PTPRM: variants seen among roughly 807,000 people sequenced by gnomAD.
The protein encoded by PTPRM is receptor-type tyrosine-protein phosphatase mu.
PTPRM carries 47 observed loss-of-function variants against 186.7 expected under a neutral mutation model. That is an observed-to-expected ratio of 0.25 (90% CI 0.20 to 0.32). The LOEUF (loss-of-function observed/expected upper bound fraction) is 0.32, where lower values mean the gene tolerates loss of function less well. Among genes scored for constraint, PTPRM ranks in the 10% least tolerant of loss-of-function variants. PTPRM has a pLI of 1.00. For missense variants in PTPRM, 1,494 were observed against 1,865.0 expected, an observed-to-expected ratio of 0.80 and a Z score of 3.66; for synonymous variants, 668 against 674.9, an observed-to-expected ratio of 0.99 and a Z score of 0.16.
chr18:8,104,017 T>C (rs1201219452), intron 11 of PTPRM, among the ~76,000 whole-genome samples: 1 of 152,166 alleles, frequency 6.6e-6, no homozygotes. Flanking sequence ...ACACAGTTCA[T>C]AGCACCCCAA....
At chr18:8,339,696 T>C (rs973323437) in intron 22 of PTPRM, among the ~76,000 whole-genome samples, 2 of 152,174 alleles carry the variant, frequency 1.3e-5, no homozygotes, top group Non-Finnish European at 2.9e-5. Flanking sequence ...CCTCCCTGTG[T>C]ACCAGGCTCA....
At chr18:8,253,153 T>C in intron 18 of PTPRM, 74 bp from the exon 19 acceptor site, 1 of 1,224,240 alleles carries the variant, frequency 8.2e-7, no homozygotes, top group Non-Finnish European at 1.1e-6. Flanking sequence ...AGGAGCCAGC[T>C]TCTTAGCATT....
chr18:7,760,380 T>C (rs2041710113), intron 1 of PTPRM, among the ~76,000 whole-genome samples: 1 of 151,446 alleles, frequency 6.6e-6, no homozygotes, highest in Non-Finnish European at 1.5e-5. Flanking sequence ...TTGTTAAATA[T>C]TAATTTTTTT....
At chr18:7,656,628 A>G (rs1320559550) in intron 1 of PTPRM, among the ~76,000 whole-genome samples, 1 of 152,134 alleles carries the variant, frequency 6.6e-6, no homozygotes, top group African/African-American at 2.4e-5. Flanking sequence ...GGGATGGTGG[A>G]GAGGGATATA....
chr18:7,725,513 T>A (rs2040529753), intron 1 of PTPRM, among the ~76,000 whole-genome samples: 1 of 151,426 alleles, frequency 6.6e-6, no homozygotes, highest in South Asian at 2.1e-4. Context: ...TCTGCTCCAA[T>A]GTTGCCTTTT....
At chr18:7,900,844 GT>G (rs925925900) in intron 3 of PTPRM, among the ~76,000 whole-genome samples, 3 of 152,080 alleles carry the variant, frequency 2.0e-5, no homozygotes, top group Non-Finnish European at 2.9e-5. Flanking sequence ...CAAATAAATA[GT>G]TTTTTTTGAA....
chr18:8,041,385 TG>T (rs2086679468), intron 7 of PTPRM, among the ~76,000 whole-genome samples: 1 of 151,834 alleles, frequency 6.6e-6, no homozygotes, highest in Non-Finnish European at 1.5e-5. Flanking sequence ...TGACATTTGG[TG>T]GGGCTTTGAA....
intron 1 of PTPRM, among the ~76,000 whole-genome samples, chr18:7,611,040 A>G (rs8086999): frequency 0.39 from 59,723 of 151,978 alleles, 18,569 homozygotes; most frequent in African/African-American, 0.83. Context: ...AGGCTAATGT[A>G]TGTGCCTGTG....
At chr18:7,850,316 T>C (rs2046802386) in intron 2 of PTPRM, among the ~76,000 whole-genome samples, 1 of 152,228 alleles carries the variant, frequency 6.6e-6, no homozygotes, top group Non-Finnish European at 1.5e-5. Context: ...GTTAATGTGC[T>C]TGTTTCAGAC....
intron 15 of PTPRM, among the ~76,000 whole-genome samples, chr18:8,244,588 C>G (rs1235148237): frequency 6.6e-6 from 1 of 152,214 alleles, no homozygotes; most frequent in Admixed American, 6.5e-5. Flanking sequence ...AAACAGTTCA[C>G]TAAATGGCAG....
At chr18:7,653,379 A>G (rs1187462577) in intron 1 of PTPRM, among the ~76,000 whole-genome samples, 1 of 152,054 alleles carries the variant, frequency 6.6e-6, no homozygotes, top group Non-Finnish European at 1.5e-5. Context: ...TAGGTAAACT[A>G]TGTCATGAAG....
chr18:8,237,425 C>T (rs1228584233), intron 14 of PTPRM, among the ~76,000 whole-genome samples: 2 of 145,626 alleles, frequency 1.4e-5, no homozygotes, highest in African/African-American at 5.1e-5. Context: ...GCAACTGATT[C>T]CCTCAATTTT....
intron 23 of PTPRM, among the ~76,000 whole-genome samples, chr18:8,356,759 A>C (rs2095565543): frequency 6.6e-6 from 1 of 152,160 alleles, no homozygotes; most frequent in Non-Finnish European, 1.5e-5. Flanking sequence ...AGGACAGCCA[A>C]TAGCCCAAAT....
intron 2 of PTPRM, among the ~76,000 whole-genome samples, chr18:7,869,491 C>T (rs1368929744): frequency 6.6e-6 from 1 of 152,174 alleles, no homozygotes; most frequent in African/African-American, 2.4e-5. Context: ...AGGCAATGCC[C>T]CACCCTGCTT....
At chr18:7,753,195 T>A (rs1318384383) in intron 1 of PTPRM, among the ~76,000 whole-genome samples, 1 of 152,134 alleles carries the variant, frequency 6.6e-6, no homozygotes, top group Non-Finnish European at 1.5e-5. Flanking sequence ...ATCTCTACAT[T>A]TGTGAAAGAA....
chr18:7,887,255 G>A (rs2048834809), intron 2 of PTPRM, among the ~76,000 whole-genome samples: 1 of 152,076 alleles, frequency 6.6e-6, no homozygotes, highest in African/African-American at 2.4e-5. Flanking sequence ...TTCATATGGG[G>A]AAGGCTCAAG....
chr18:7,990,546 A>G (rs1283396870), intron 7 of PTPRM, among the ~76,000 whole-genome samples: 2 of 152,172 alleles, frequency 1.3e-5, no homozygotes, highest in African/African-American at 4.8e-5. Context: ...TTCAGCCAAA[A>G]TCTTTTAGGG....
chr18:8,388,491 G>A (rs1486909627), intron 31 of PTPRM, among the ~76,000 whole-genome samples: 2 of 152,290 alleles, frequency 1.3e-5, no homozygotes, highest in East Asian at 3.9e-4. Context: ...ATCAAAACAC[G>A]ATAGTGTCTC....
At chr18:7,633,706 G>A (rs981362324) in intron 1 of PTPRM, among the ~76,000 whole-genome samples, 1 of 152,068 alleles carries the variant, frequency 6.6e-6, no homozygotes, top group African/African-American at 2.4e-5. Context: ...TGCTCTTCCT[G>A]CATCCTCCGC....
Sources: allele counts gnomAD v4.1 joint callset (sites outside exome capture counted in the v4.1 genomes callset), GRCh38; gene constraint gnomAD v4.1.1; transcripts MANE v1.5; gene names NCBI Gene and HGNC (gene_info 2026-07-23, HGNC 2026-07-21).